Variants in KCNA6 observed in about 807,000 individuals in gnomAD.
KCNA6 encodes potassium voltage-gated channel subfamily A member 6.
A neutral mutation model predicts 29.5 loss-of-function variants in KCNA6; 17 were observed. That is an observed-to-expected ratio of 0.58 (90% confidence interval 0.39 to 0.86). The LOEUF is 0.86. Ranked by LOEUF, KCNA6 falls within the 40% of genes least tolerant of loss-of-function variation. KCNA6 has a pLI of 0.00. For synonymous variants in KCNA6, 296 were observed against 304.7 expected (o/e 0.97, Z 0.30); for missense variants, 450 against 703.4 (o/e 0.64, Z 4.07).
the KCNA6 span, among the ~76,000 whole-genome samples, chr12:4,824,218 G>A: frequency 6.6e-6 from 1 of 152,220 alleles, no homozygotes; most frequent in Non-Finnish European, 1.5e-5. Flanking sequence ...TTCATGGTCT[G>A]TTTCTTATTT....
chr12:4,842,012 C>CGTGTGTGTGT, the KCNA6 span, among the ~76,000 whole-genome samples: 662 of 124,964 alleles, frequency 5.3e-3, 19 homozygotes, highest in African/African-American at 0.016. Context: ...ATGGAGCTTA[C>CGTGTGTGTGT]GTGTGTGTGT....
chr12:4,833,180 G>A, the KCNA6 span, among the ~76,000 whole-genome samples: 6 of 152,120 alleles, frequency 3.9e-5, no homozygotes, highest in East Asian at 1.9e-4. Context: ...ATTAAAAACC[G>A]AAAAGTTTGA....
downstream of KCNA6, chr12:4,813,967 C>T (rs956176199): frequency 6.0e-6 from 1 of 167,096 alleles, no homozygotes; most frequent in African/African-American, 2.4e-5. Flanking sequence ...ACCTTCCAGA[C>T]TGTTCTCTCT....
At chr12:4,831,358 G>A in the KCNA6 span, among the ~76,000 whole-genome samples, 226 of 152,252 alleles carry the variant, frequency 1.5e-3, no homozygotes, top group African/African-American at 5.1e-3. Flanking sequence ...TCACCCACAA[G>A]CAGCCAGCCA....
At chr12:4,827,202 T>TCCTTCCTTCCTTCCG in the KCNA6 span, among the ~76,000 whole-genome samples, 1 of 51,870 alleles carries the variant, frequency 1.9e-5, no homozygotes, top group Non-Finnish European at 3.6e-5. Context: ...CCTTCCTTCC[T>TCCTTCCTTCCTTCCG]TCCCTCCTTC....
At chr12:4,829,767 G>A in the KCNA6 span, among the ~76,000 whole-genome samples, 1 of 151,822 alleles carries the variant, frequency 6.6e-6, no homozygotes, top group Non-Finnish European at 1.5e-5. Flanking sequence ...AGCCCAAGAA[G>A]TTCTGCTGAT....
chr12:4,849,206 C>G, the KCNA6 span, among the ~76,000 whole-genome samples: 9 of 152,084 alleles, frequency 5.9e-5, no homozygotes, highest in Non-Finnish European at 1.2e-4. Flanking sequence ...CGCCATAGAG[C>G]AGTCCAGGGA....
chr12:4,845,559 A>T, the KCNA6 span, among the ~76,000 whole-genome samples: 4 of 152,190 alleles, frequency 2.6e-5, no homozygotes, highest in African/African-American at 9.7e-5. Flanking sequence ...TGCCTGTTAC[A>T]TGTGAATTTT....
At chr12:4,845,984 G>GGTTT in the KCNA6 span, among the ~76,000 whole-genome samples, 237 of 129,462 alleles carry the variant, frequency 1.8e-3, 1 homozygote, top group African/African-American at 6.7e-3. Context: ...GAATTTTAGA[G>GGTTT]TTTTTTTTTT....
the KCNA6 span, among the ~76,000 whole-genome samples, chr12:4,824,502 A>G: frequency 3.4e-4 from 52 of 152,372 alleles, 1 homozygote; most frequent in African/African-American, 1.3e-3. Context: ...TAAAAAAGCC[A>G]GCAGCAGAGA....
chr12:4,828,852 T>C, the KCNA6 span, among the ~76,000 whole-genome samples: 11 of 152,218 alleles, frequency 7.2e-5, no homozygotes, highest in Admixed American at 2.0e-4. Flanking sequence ...CCTGGGGTCC[T>C]GTTACCTGGG....
the KCNA6 span, among the ~76,000 whole-genome samples, chr12:4,843,974 A>G: frequency 6.6e-6 from 1 of 152,188 alleles, no homozygotes; most frequent in African/African-American, 2.4e-5. Context: ...AAGGCTTCCA[A>G]GGAAAACCAG....
exon 1 of KCNA6, chr12:4,809,803 G>C: frequency 2.2e-6 from 1 of 460,960 alleles, no homozygotes; most frequent in East Asian, 3.4e-5. Context: ...ACCCGGGCGC[G>C]GGTAACGGGA....
At chr12:4,817,247 T>G (rs2137583724), downstream of KCNA6, among the ~76,000 whole-genome samples, 1 of 152,300 alleles carries the variant, frequency 6.6e-6, no homozygotes, top group East Asian at 1.9e-4. Flanking sequence ...TATTTTGCCT[T>G]GGGTTGCACA....
chr12:4,828,134 C>G, the KCNA6 span, among the ~76,000 whole-genome samples: 3 of 151,752 alleles, frequency 2.0e-5, no homozygotes, highest in African/African-American at 7.3e-5. Flanking sequence ...TCTATAGAGA[C>G]ACTCAGTGTT....
chr12:4,811,828 C>T lies in KCNA6; in HGVS notation c.*197C>T. Reference sequence around the variant, plus strand: ...CCTGCAGCATTCAAGGTTAATCCATCTAAGTGACATTTTTGAAATTCCAGC... The same window carrying T: ...CCTGCAGCATTCAAGGTTAATCCATTTAAGTGACATTTTTGAAATTCCAGC... On this transcript the variant is annotated 3_prime_UTR_variant, in exon 1 of 1. Coordinates refer to ENST00000280684, the Ensembl canonical transcript of KCNA6. This position sits in a 1 kb window ranked among gnomAD's most constrained non-coding sequence, Gnocchi z 7.1. The T allele has an allele frequency of 1.6e-6, 1 of 623,454 alleles. No individual in the cohort carries two copies. The highest frequency in any genetic ancestry group is 2.8e-6 in the Non-Finnish European group (1 of 363,574). The allele number at this position is 623,454 out of a possible 1,614,324, so 38.6% of individuals were successfully genotyped here.
chr12:4,836,010 G>A, the KCNA6 span, among the ~76,000 whole-genome samples: 3 of 150,040 alleles, frequency 2.0e-5, no homozygotes, highest in African/African-American at 4.9e-5. Context: ...CACAACCTTG[G>A]CTCACTGCAA....
At chr12:4,833,632 C>G in the KCNA6 span, among the ~76,000 whole-genome samples, 1 of 152,246 alleles carries the variant, frequency 6.6e-6, no homozygotes, top group Non-Finnish European at 1.5e-5. Flanking sequence ...GAAGTCTGTT[C>G]TTAGGACTTG....
the KCNA6 span, among the ~76,000 whole-genome samples, chr12:4,845,834 C>T: frequency 9.2e-5 from 14 of 152,142 alleles, no homozygotes. Context: ...ATCCCCTGCC[C>T]TAGCCTTCCT....
Sources: allele counts gnomAD v4.1 joint callset (sites outside exome capture counted in the v4.1 genomes callset), GRCh38; gene constraint gnomAD v4.1.1; non-coding constraint Gnocchi (gnomAD v3.1); transcripts MANE v1.5; gene names NCBI Gene and HGNC (gene_info 2026-07-23, HGNC 2026-07-21).